The following RCHY1 variants were observed in gnomAD, a reference collection of about 807,000 sequenced individuals.
The protein encoded by RCHY1 is ring finger and CHY zinc finger domain containing 1.
In RCHY1, 21 loss-of-function variants were observed where a neutral mutation model predicts 41.6. The ratio of observed to expected loss-of-function variants is 0.51; its 90% CI spans 0.36 to 0.73. The LOEUF (loss-of-function observed/expected upper bound fraction) is 0.73. Ranked by LOEUF, RCHY1 falls within the 30% of genes least tolerant of loss-of-function variation. The pLI is 0.00. For missense variants in RCHY1, 265 were observed against 325.3 expected (o/e 0.81, Z 1.43); for synonymous variants, 79 against 102.9 (o/e 0.77, Z 1.41).
chr4:75,498,614 G>C (rs1027853249), intron 3 of RCHY1, among the ~76,000 whole-genome samples: 7 of 151,960 alleles, frequency 4.6e-5, no homozygotes, highest in Non-Finnish European at 1.0e-4. Context: ...ATGCAGAACA[G>C]AGAATCCACA....
intron 8 of RCHY1, among the ~76,000 whole-genome samples, chr4:75,485,578 A>G (rs1455163494): frequency 3.3e-5 from 5 of 152,198 alleles, no homozygotes; most frequent in Non-Finnish European, 7.3e-5. Flanking sequence ...AAATGATGGT[A>G]CAATATTTAC....
At chr4:75,483,441 G>A (rs1721701778) in intron 8 of RCHY1, among the ~76,000 whole-genome samples, 1 of 152,128 alleles carries the variant, frequency 6.6e-6, no homozygotes, top group Non-Finnish European at 1.5e-5. Context: ...TAGGCCTGGG[G>A]CGTTAGGGAA....
At chr4:75,491,504 T>C in intron 7 of RCHY1, 107 bp downstream of exon 7, 1 of 948,542 alleles carries the variant, frequency 1.1e-6, no homozygotes, top group Non-Finnish European at 1.6e-6. Flanking sequence ...ATATAAATAT[T>C]GCCATGCCCA....
intron 8 of RCHY1, among the ~76,000 whole-genome samples, 187 bp from the exon 9 acceptor site, chr4:75,482,853 T>C (rs1721636286): frequency 6.6e-6 from 1 of 151,572 alleles, no homozygotes; most frequent in African/African-American, 2.4e-5. Flanking sequence ...AAGGTGGCTC[T>C]GAATTCAGAA....
rs754431231 is a variant in RCHY1 at position 75,491,944 on chromosome 4, G to A, written c.406-11C>T. ...CACATTTTCAATACACTGTTTAAAA[G>A]AGAAATTCACATTAACAAAAGCTTA... On this transcript the variant is annotated splice_polypyrimidine_tract_variant and intron_variant, in intron 4 of 8. Coordinates refer to ENST00000324439, the MANE Select transcript of RCHY1 (RefSeq NM_015436.4). The A allele has an allele frequency of 2.5e-6, 4 of 1,577,860 alleles. No individual in the cohort carries two copies. The African/African-American group carries it at 4.1e-5, about 16-fold the overall frequency.
chr4:75,503,997 G>A (rs142548879), intron 3 of RCHY1, among the ~76,000 whole-genome samples: 5 of 152,252 alleles, frequency 3.3e-5, no homozygotes, highest in South Asian at 2.1e-4. Context: ...AAGAAAGGTC[G>A]TCTTTTCTTC....
intron 3 of RCHY1, among the ~76,000 whole-genome samples, chr4:75,497,420 T>C (rs1341232324): frequency 1.3e-5 from 2 of 152,294 alleles, no homozygotes; most frequent in East Asian, 3.9e-4. Flanking sequence ...AGGCAAATGC[T>C]GAGCTGTAAC....
intron 3 of RCHY1, among the ~76,000 whole-genome samples, chr4:75,507,521 C>G (rs546037982): frequency 2.6e-5 from 4 of 151,908 alleles, no homozygotes; most frequent in African/African-American, 9.7e-5. Context: ...TAATAAAAAA[C>G]GAACTATATA....
rs868498297 is a variant in RCHY1 at position 75,487,591 on chromosome 4, T to C, written c.657+2990A>G. On this transcript the variant is annotated intron_variant, in intron 8 of 8. Coordinates refer to ENST00000324439, the MANE Select transcript of RCHY1 (RefSeq NM_015436.4). ...ATATATATATTCATATATATATTCATAATATATATTCATATATATTCATAA... is the reference window on the plus strand; with the variant it reads ...ATATATATATTCATATATATATTCACAATATATATTCATATATATTCATAA... Among the ~76,000 whole-genome samples, 13 of 80,514 alleles carry C rather than the reference T, an allele frequency of 1.6e-4. No individual in the cohort carries two copies. In the South Asian group the frequency reaches 5.6e-3, roughly 35 times the overall value. The allele number at this position is 80,514 out of a possible 152,430, so 52.8% of individuals were successfully genotyped here.
At chr4:75,506,007 G>C (rs1050500347) in intron 3 of RCHY1, among the ~76,000 whole-genome samples, 10 of 150,338 alleles carry the variant, frequency 6.7e-5, no homozygotes, top group Non-Finnish European at 1.5e-4. Flanking sequence ...TTGGAGTCCA[G>C]ATTCCACCAC....
upstream of RCHY1, chr4:75,514,423 C>A: frequency 1.0e-6 from 1 of 968,862 alleles, no homozygotes. Context: ...GCACGTGACC[C>A]GGGGCAGACG....
intron 1 of RCHY1, among the ~76,000 whole-genome samples, chr4:75,513,303 CG>C (rs1725139774): frequency 6.6e-6 from 1 of 152,120 alleles, no homozygotes; most frequent in Non-Finnish European, 1.5e-5. Flanking sequence ...CTCAGATTGA[CG>C]ATGATAGTAA....
At chr4:75,506,625 G>C (rs1724336230) in intron 3 of RCHY1, among the ~76,000 whole-genome samples, 1 of 150,434 alleles carries the variant, frequency 6.6e-6, no homozygotes, top group East Asian at 1.9e-4. Flanking sequence ...GAAAATCAAA[G>C]TAGGAGAAAT....
intron 3 of RCHY1, 29 bp from the exon 4 acceptor site, chr4:75,494,208 T>G: frequency 6.9e-7 from 1 of 1,444,458 alleles, no homozygotes. Context: ...GCCAAAAGAT[T>G]AGATTATTTT....
At chr4:75,487,811 A>ATATATATTCAT (rs1722347997) in intron 8 of RCHY1, among the ~76,000 whole-genome samples, 2 of 43,354 alleles carry the variant, frequency 4.6e-5, no homozygotes, top group African/African-American at 2.5e-4. Context: ...ATATATTCAT[A>ATATATATTCAT]ATATATATTC....
At chr4:75,500,082 A>C (rs1479877547) in intron 3 of RCHY1, among the ~76,000 whole-genome samples, 1 of 152,206 alleles carries the variant, frequency 6.6e-6, no homozygotes, top group Non-Finnish European at 1.5e-5. Flanking sequence ...TCAAGGCTGC[A>C]GTGAGTCATG....
chr4:75,487,639 ATT>A lies in RCHY1; in HGVS notation c.657+2940_657+2941del, dbSNP rs1423429045. Among the ~76,000 whole-genome samples, 45 of 41,672 alleles carry A rather than the reference ATT, an allele frequency of 1.1e-3. 5 individuals are homozygous for A. The highest frequency in any genetic ancestry group is 3.8e-5 in the Non-Finnish European group (1 of 25,980). The allele number at this position is 41,672 out of a possible 152,430, so 27.3% of individuals were successfully genotyped here. ...TAATATATATATTCATAATATATATATTCATATATATTCATAATATATATATT... is the reference window on the plus strand; with the variant it reads ...TAATATATATATTCATAATATATATACATATATATTCATAATATATATATT... On this transcript the variant is annotated intron_variant, in intron 8 of 8. Transcript: ENST00000324439.
chr4:75,495,852 G>A (rs1723154609), intron 3 of RCHY1, among the ~76,000 whole-genome samples: 1 of 152,004 alleles, frequency 6.6e-6, no homozygotes, highest in African/African-American at 2.4e-5. Flanking sequence ...TTCCTGATTT[G>A]AAATGTCACT....
At chr4:75,490,367 AACT>A (rs1388629350) in intron 8 of RCHY1, among the ~76,000 whole-genome samples, 1 of 152,044 alleles carries the variant, frequency 6.6e-6, no homozygotes, top group Non-Finnish European at 1.5e-5. Context: ...TGTTGGGAAA[AACT>A]ACATAAAGGT....
Sources: gnomAD v4.1 joint callset for allele counts (sites outside exome capture counted in the v4.1 genomes callset) on GRCh38, gnomAD v4.1.1 for gene constraint, MANE v1.5 for transcripts, NCBI Gene and HGNC (gene_info 2026-07-23, HGNC 2026-07-21) for gene names.